Variants in TLL1 observed in about 807,000 individuals in gnomAD.
The protein encoded by TLL1 is tolloid like 1.
Under a neutral mutation model 128.2 loss-of-function variants are expected in TLL1, and 49 were observed. The observed-to-expected ratio is 0.38, with a 90% CI of 0.30 to 0.48. TLL1 has a LOEUF of 0.48. TLL1 is among the 20% of genes least tolerant of loss of function. The pLI, the probability that TLL1 is intolerant of heterozygous loss-of-function variation, is 0.96. For synonymous variants in TLL1, 454 were observed against 418.8 expected, an observed-to-expected ratio of 1.08 and a Z score of -1.03; for missense variants, 1,123 against 1,242.0, an observed-to-expected ratio of 0.90 and a Z score of 1.44.
intron 19 of TLL1, among the ~76,000 whole-genome samples, chr4:166,095,656 G>C (rs58367421): frequency 0.14 from 21,550 of 151,968 alleles, 1,659 homozygotes; most frequent in Middle Eastern, 0.26. Flanking sequence ...AGCATTTATA[G>C]GTCAAATTAC....
intron 1 of TLL1, among the ~76,000 whole-genome samples, chr4:165,877,245 G>A (rs1730759165): frequency 6.6e-6 from 1 of 152,236 alleles, no homozygotes; most frequent in Non-Finnish European, 1.5e-5. Context: ...TATTCAGAAA[G>A]ACATTATAGG....
chr4:165,933,311 G>A (rs1733612586), intron 1 of TLL1, among the ~76,000 whole-genome samples: 3 of 152,008 alleles, frequency 2.0e-5, no homozygotes, highest in Admixed American at 6.6e-5. Context: ...GGGAGAGGAC[G>A]CCTCAGATCT....
intron 1 of TLL1, among the ~76,000 whole-genome samples, chr4:165,960,010 A>G (rs186155564): frequency 2.0e-5 from 3 of 152,250 alleles, no homozygotes; most frequent in African/African-American, 4.8e-5. Flanking sequence ...TGAATGAAAT[A>G]AAGACCCAAA....
chr4:166,030,261 A>T (rs1738703249), intron 9 of TLL1, among the ~76,000 whole-genome samples: 1 of 152,104 alleles, frequency 6.6e-6, no homozygotes, highest in Non-Finnish European at 1.5e-5. Flanking sequence ...TTCTAGTGAT[A>T]ACTTGGGCAT....
chr4:165,965,213 CATA>C (rs1442972559), intron 1 of TLL1, among the ~76,000 whole-genome samples: 1 of 151,970 alleles, frequency 6.6e-6, no homozygotes, highest in East Asian at 1.9e-4. Flanking sequence ...TCTGAAAAGA[CATA>C]ATATGTTTCT....
intron 11 of TLL1, among the ~76,000 whole-genome samples, chr4:166,042,565 T>C (rs886629567): frequency 3.3e-5 from 5 of 152,236 alleles, no homozygotes; most frequent in African/African-American, 9.6e-5. Flanking sequence ...ATGCTTTATC[T>C]AAATAAGAGA....
intron 12 of TLL1, chr4:166,044,486 AC>A (rs1208138595): frequency 1.4e-6 from 2 of 1,409,150 alleles, no homozygotes; most frequent in African/African-American, 2.8e-5. Context: ...GTACCATTTA[AC>A]TTCCCAGATG....
intron 1 of TLL1, among the ~76,000 whole-genome samples, chr4:165,948,008 A>G (rs1451834876): frequency 6.6e-6 from 1 of 152,180 alleles, no homozygotes; most frequent in African/African-American, 2.4e-5. Flanking sequence ...ACCTTGCAGG[A>G]AAAAAGTTGA....
chr4:166,027,608 G>A (rs1579643376), intron 9 of TLL1, among the ~76,000 whole-genome samples: 5 of 151,850 alleles, frequency 3.3e-5, no homozygotes, highest in South Asian at 4.2e-4. Flanking sequence ...GGTGTTGATC[G>A]ATTTTTATTT....
intron 5 of TLL1, among the ~76,000 whole-genome samples, chr4:166,000,575 A>T (rs958735590): frequency 5.9e-5 from 9 of 152,202 alleles, no homozygotes; most frequent in Non-Finnish European, 1.3e-4. Flanking sequence ...CTTGCAAATA[A>T]CTATATTCCC....
At chr4:165,907,784 G>C (rs1732336319) in intron 1 of TLL1, among the ~76,000 whole-genome samples, 1 of 152,160 alleles carries the variant, frequency 6.6e-6, no homozygotes, top group Non-Finnish European at 1.5e-5. Context: ...CTGACCTCAA[G>C]TGATCCACCC....
intron 1 of TLL1, among the ~76,000 whole-genome samples, chr4:165,885,153 AGACTG>A (rs1430102530): frequency 6.6e-6 from 1 of 152,182 alleles, no homozygotes; most frequent in East Asian, 1.9e-4. Context: ...AAAACAAACT[AGACTG>A]GTAGTCAAGA....
chr4:165,992,807 G>A lies in TLL1; in HGVS notation c.284G>A (p.Gly95Glu). 1 of 1,613,030 alleles carries A rather than the reference G, an allele frequency of 6.2e-7. No individual in the cohort carries two copies. Among genetic ancestry groups the A allele is most frequent in the Non-Finnish European group, 8.5e-7 (1 of 1,179,216 alleles). Residue 95 changes from glycine to glutamate, a missense_variant, in exon 3 of 21, where the codon GGA (glycine) becomes GAA (glutamate). Gly to Glu is a moderately conservative substitution (Grantham distance 98). Transcript: ENST00000061240. ...TTGTTTCCTTTTATTCTTTAAGGTG[G>A]ACTTGGAGACCATGCTATGTCAAAG... ...PFGNLGHTTG[G>E]LGDHAMSKKR... is the part of the protein sequence containing the mutation.
intron 10 of TLL1, among the ~76,000 whole-genome samples, chr4:166,041,739 T>C (rs1427256887): frequency 3.3e-5 from 5 of 152,202 alleles, no homozygotes; most frequent in Admixed American, 6.5e-5. Flanking sequence ...TTGACCTTTT[T>C]CAAATATTGT....
intron 1 of TLL1, among the ~76,000 whole-genome samples, chr4:165,967,220 G>A (rs573457469): frequency 9.2e-5 from 14 of 152,260 alleles, no homozygotes; most frequent in Non-Finnish European, 1.6e-4. Context: ...CCTGAAAATC[G>A]CAGCCATCTT....
At chr4:166,008,546 A>G (rs566561755) in intron 7 of TLL1, among the ~76,000 whole-genome samples, 45 of 151,714 alleles carry the variant, frequency 3.0e-4, no homozygotes, top group Admixed American at 2.9e-3. Flanking sequence ...TGAATTGTCA[A>G]ATAACAAATT....
chr4:166,067,359 A>G, intron 16 of TLL1, among the ~76,000 whole-genome samples: 1 of 151,770 alleles, frequency 6.6e-6, no homozygotes, highest in East Asian at 1.9e-4. Context: ...GTCAGAAAAA[A>G]TTTTCCAAAT....
chr4:165,952,246 G>A (rs1734560022), intron 1 of TLL1, among the ~76,000 whole-genome samples: 1 of 152,080 alleles, frequency 6.6e-6, no homozygotes, highest in Non-Finnish European at 1.5e-5. Context: ...AATTTCTGCA[G>A]TACTTTATAG....
chr4:165,890,223 T>G (rs903874687), intron 1 of TLL1, among the ~76,000 whole-genome samples: 13 of 152,194 alleles, frequency 8.5e-5, no homozygotes, highest in Admixed American at 4.6e-4. Flanking sequence ...GTGGGGATTA[T>G]GAGAACTACA....
Sources: allele counts gnomAD v4.1 joint callset (sites outside exome capture counted in the v4.1 genomes callset), GRCh38; gene constraint gnomAD v4.1.1; transcripts MANE v1.5; gene names NCBI Gene and HGNC (gene_info 2026-07-23, HGNC 2026-07-21).